The following MYO3A variants were observed in gnomAD, a reference collection of about 807,000 sequenced individuals.
MYO3A encodes myosin IIIA.
In MYO3A, 180 loss-of-function variants were observed where a neutral mutation model predicts 192.7. The observed-to-expected ratio is 0.93, with a 90% CI of 0.83 to 1.06. MYO3A has a LOEUF of 1.06. MYO3A is among the 50% of genes least tolerant of loss of function. The pLI, the probability that MYO3A is intolerant of heterozygous loss-of-function variation, is 0.00. For missense variants in MYO3A, 1,896 were observed against 1,905.0 expected (o/e 1.00, Z 0.09); for synonymous variants, 628 against 645.3 (o/e 0.97, Z 0.41).
chr10:26,002,529 G>A (rs1840893811), intron 6 of MYO3A, among the ~76,000 whole-genome samples: 1 of 151,982 alleles, frequency 6.6e-6, no homozygotes, highest in African/African-American at 2.4e-5. Flanking sequence ...GAGAGTGATG[G>A]GGTAAGTGGT....
chr10:26,165,755 C>T (rs970285173), intron 26 of MYO3A: 2 of 397,832 alleles, frequency 5.0e-6, no homozygotes, highest in Admixed American at 8.2e-5. Context: ...AGAAAGGTAG[C>T]GAAAAAACAA....
chr10:26,016,737 AGTT>A, intron 6 of MYO3A, 80 bp from the exon 7 acceptor site: 1 of 1,277,710 alleles, frequency 7.8e-7, no homozygotes, highest in Non-Finnish European at 1.1e-6. Context: ...TTTTAATATT[AGTT>A]TGCAAAAAAG....
Position 26,026,980 on chromosome 10 carries a change from G to A in MYO3A, c.953+448G>A, listed in dbSNP as rs1334866734. ...TTCCCAAAGTGCTGGCATTACAGGC[G>A]TGACAGGCTGCACTTTTTAAACAAC... On this transcript the variant is annotated intron_variant, in intron 10 of 34. Coordinates refer to ENST00000642920, the MANE Select transcript of MYO3A (RefSeq NM_017433.5). Among the ~76,000 whole-genome samples the A allele has an allele frequency of 5.3e-5, 8 of 152,172 alleles. 1 individual carries two copies. Among genetic ancestry groups the A allele is most frequent in the Admixed American group, 2.6e-4 (4 of 15,276 alleles).
chr10:25,959,852 G>T (rs1303445969), intron 4 of MYO3A, among the ~76,000 whole-genome samples: 1 of 151,478 alleles, frequency 6.6e-6, no homozygotes, highest in African/African-American at 2.4e-5. Context: ...GCTCAGGCAG[G>T]CTTCTGAATG....
chr10:26,151,483 C>T (rs7093989), intron 23 of MYO3A, among the ~76,000 whole-genome samples: 62,932 of 151,904 alleles, frequency 0.41, 13,220 homozygotes, highest in Middle Eastern at 0.52. Flanking sequence ...TATAGAGACT[C>T]CAGCTTTCTT....
At chr10:26,104,866 TACACACACACACACAC>T (rs60219721) in intron 17 of MYO3A, among the ~76,000 whole-genome samples, 12 of 148,052 alleles carry the variant, frequency 8.1e-5, no homozygotes, top group East Asian at 4.0e-4. Context: ...TGTTTATAGA[TACACACACACACACAC>T]ACACACACAC....
At chr10:25,989,722 C>T (rs1268274418) in intron 4 of MYO3A, among the ~76,000 whole-genome samples, 2 of 152,174 alleles carry the variant, frequency 1.3e-5, no homozygotes, top group Non-Finnish European at 2.9e-5. Context: ...CCAGTAAAAT[C>T]TAATCACCAC....
intron 29 of MYO3A, among the ~76,000 whole-genome samples, chr10:26,171,568 T>C (rs1842048363): frequency 6.6e-6 from 1 of 152,214 alleles, no homozygotes; most frequent in African/African-American, 2.4e-5. Flanking sequence ...TTATTTGAAG[T>C]TTAGATACAT....
chr10:26,001,374 A>G (rs1840797390), intron 6 of MYO3A, among the ~76,000 whole-genome samples: 2 of 149,494 alleles, frequency 1.3e-5, no homozygotes, highest in Non-Finnish European at 2.9e-5. Context: ...GTTTTTCAGA[A>G]GATAAGGGGG....
In MYO3A at chr10:26,143,526, C is replaced by T. The variant is rs1840287469; in HGVS notation, c.2341C>T (p.Gln781Ter). 2.5e-6 allele frequency: 4 copies of T among 1,613,890 alleles called. No individual in the cohort carries two copies. The highest frequency in any genetic ancestry group is 1.3e-5 in the African/African-American group (1 of 75,020). ...CTGGCCCCTCTTAGATATGTTTCTG[C>T]AAAAGCCAATGGGTTTACTTTCCCT... ...DNWPLLDMFL[Q>*]KPMGLLSLLD... is the part of the protein sequence containing the mutation. The change falls in exon 21 of 35, where the codon CAA (glutamine) becomes TAA (stop). Residue 781 changes from glutamine to a stop codon, truncating the protein, a stop_gained. Coordinates refer to ENST00000642920, the MANE Select transcript of MYO3A (RefSeq NM_017433.5). LOFTEE classifies it high-confidence loss of function.
chr10:26,016,908 T>A lies in MYO3A; in HGVS notation c.585+12T>A, dbSNP rs752240556. 5.6e-6 allele frequency: 9 copies of A among 1,612,456 alleles called. No homozygotes were observed. The highest frequency in any genetic ancestry group is 7.6e-6 in the Non-Finnish European group (9 of 1,178,722). ...GGATGGCTCCTGAGGTCAGATAGAG[T>A]TTTGAGGCAGACAAACGTAATAGCT... On this transcript the variant is annotated intron_variant, in intron 7 of 34. Transcript: ENST00000642920.
intron 32 of MYO3A, among the ~76,000 whole-genome samples, chr10:26,195,383 C>G (rs550106313): frequency 6.6e-6 from 1 of 152,290 alleles, no homozygotes; most frequent in South Asian, 2.1e-4. Context: ...TGAGTCACTC[C>G]TCTTACTGGT....
At chr10:26,105,069 A>T (rs551957686) in intron 17 of MYO3A, among the ~76,000 whole-genome samples, 12 of 152,230 alleles carry the variant, frequency 7.9e-5, no homozygotes, top group Non-Finnish European at 1.8e-4. Context: ...AAGGTAGTAT[A>T]ATGTTCCACA....
intron 7 of MYO3A, among the ~76,000 whole-genome samples, chr10:26,017,948 A>T (rs982837992): frequency 6.7e-6 from 1 of 150,268 alleles, no homozygotes; most frequent in African/African-American, 2.4e-5. Flanking sequence ...GAACCTAGTT[A>T]TAATACCAAA....
At chr10:26,061,105 A>G (rs913219950) in intron 10 of MYO3A, among the ~76,000 whole-genome samples, 3 of 151,516 alleles carry the variant, frequency 2.0e-5, no homozygotes, top group East Asian at 1.9e-4. Flanking sequence ...ATTTTTTTGT[A>G]TTTTTAGTAG....
chr10:25,934,479 C>G (rs897091000), intron 1 of MYO3A, among the ~76,000 whole-genome samples, 151 bp downstream of exon 1: 1 of 152,024 alleles, frequency 6.6e-6, no homozygotes, highest in African/African-American at 2.4e-5. Context: ...CGACCGCCCG[C>G]CCGCCCAGGT....
At chr10:26,084,729 C>T (rs1269499547) in intron 14 of MYO3A, among the ~76,000 whole-genome samples, 4 of 152,310 alleles carry the variant, frequency 2.6e-5, no homozygotes, top group South Asian at 4.1e-4. Context: ...GTCTCAAACT[C>T]CTGGCTTCAA....
intron 15 of MYO3A, among the ~76,000 whole-genome samples, chr10:26,092,914 C>A (rs886855181): frequency 2.0e-5 from 3 of 152,158 alleles, no homozygotes; most frequent in African/African-American, 7.2e-5. Context: ...GAGGTGTGTT[C>A]TTTTCCTGTT....
intron 14 of MYO3A, among the ~76,000 whole-genome samples, chr10:26,071,934 A>G (rs1835231912): frequency 6.6e-6 from 1 of 152,162 alleles, no homozygotes; most frequent in South Asian, 2.1e-4. Flanking sequence ...ACTTTCCGAG[A>G]CTGGGTAATT....
Sources: gnomAD v4.1 joint callset for allele counts (sites outside exome capture counted in the v4.1 genomes callset) on GRCh38, gnomAD v4.1.1 for gene constraint, MANE v1.5 for transcripts, NCBI Gene and HGNC (gene_info 2026-07-23, HGNC 2026-07-21) for gene names.